Variants in CDH13 observed in about 807,000 individuals in gnomAD.
CDH13 encodes cadherin-13.
CDH13 carries 24 observed loss-of-function variants against 63.8 expected under a neutral mutation model. That is an observed-to-expected ratio of 0.38 (90% CI 0.27 to 0.53). CDH13 has a LOEUF of 0.53. CDH13 is among the 20% of genes least tolerant of loss of function. CDH13 has a pLI of 0.85. For missense variants in CDH13, 1,049 were observed against 903.1 expected, an observed-to-expected ratio of 1.16 and a Z score of -2.07; for synonymous variants, 503 against 355.3, an observed-to-expected ratio of 1.42 and a Z score of -4.67.
chr16:83,424,163 A>G (rs559208122), intron 6 of CDH13, among the ~76,000 whole-genome samples: 1 of 152,006 alleles, frequency 6.6e-6, no homozygotes. Flanking sequence ...TGAAAAGTCT[A>G]GAAGAGGGAA....
intron 6 of CDH13, among the ~76,000 whole-genome samples, chr16:83,381,929 C>G (rs992050272): frequency 6.6e-6 from 1 of 152,156 alleles, no homozygotes; most frequent in African/African-American, 2.4e-5. Context: ...CAGAGCTCTG[C>G]CTGTGCACTC....
At chr16:82,714,337 G>A (rs1353763574) in intron 1 of CDH13, among the ~76,000 whole-genome samples, 2 of 152,130 alleles carry the variant, frequency 1.3e-5, no homozygotes, top group Non-Finnish European at 2.9e-5. Flanking sequence ...ACACTATTTG[G>A]CAACAGGGTC....
At chr16:83,704,309 C>G (rs1293392817) in intron 10 of CDH13, among the ~76,000 whole-genome samples, 1 of 152,136 alleles carries the variant, frequency 6.6e-6, no homozygotes, top group Non-Finnish European at 1.5e-5. Context: ...CAATCTTACC[C>G]TCAAAGATAC....
intron 8 of CDH13, among the ~76,000 whole-genome samples, chr16:83,669,978 A>C (rs562149545): frequency 6.6e-6 from 1 of 152,216 alleles, no homozygotes; most frequent in Non-Finnish European, 1.5e-5. Flanking sequence ...GAAATTCTCT[A>C]TCTATGAGAA....
intron 1 of CDH13, among the ~76,000 whole-genome samples, chr16:82,643,212 A>T (rs1325368475): frequency 6.6e-6 from 1 of 152,234 alleles, no homozygotes; most frequent in Non-Finnish European, 1.5e-5. Flanking sequence ...ATAGTATGTT[A>T]CACATGTCTA....
At chr16:82,842,832 A>T (rs965009919) in intron 1 of CDH13, among the ~76,000 whole-genome samples, 7 of 152,308 alleles carry the variant, frequency 4.6e-5, no homozygotes, top group Non-Finnish European at 7.3e-5. Context: ...GGAGACAGTG[A>T]CAGATCATCA....
intron 3 of CDH13, among the ~76,000 whole-genome samples, chr16:83,122,453 C>T (rs2035624533): frequency 6.6e-6 from 1 of 152,188 alleles, no homozygotes; most frequent in Non-Finnish European, 1.5e-5. Context: ...AGCAAACACC[C>T]TGACAGTGTC....
intron 5 of CDH13, among the ~76,000 whole-genome samples, chr16:83,310,800 G>C (rs1369175661): frequency 1.3e-5 from 2 of 152,316 alleles, no homozygotes; most frequent in East Asian, 3.9e-4. Context: ...CCCTGAAGCT[G>C]AGATTCTTGC....
chr16:83,369,705 A>G (rs886205539), intron 6 of CDH13, among the ~76,000 whole-genome samples: 2 of 152,086 alleles, frequency 1.3e-5, no homozygotes, highest in Non-Finnish European at 2.9e-5. Flanking sequence ...GATTACAGGC[A>G]TGAGCCACCA....
At chr16:83,183,112 C>T (rs1472400249) in intron 4 of CDH13, among the ~76,000 whole-genome samples, 3 of 152,042 alleles carry the variant, frequency 2.0e-5, no homozygotes, top group African/African-American at 7.2e-5. Flanking sequence ...TCTTAAGAGT[C>T]GGAAGAAACA....
chr16:82,977,699 C>T (rs995820258), intron 2 of CDH13, among the ~76,000 whole-genome samples: 1 of 152,136 alleles, frequency 6.6e-6, no homozygotes, highest in Non-Finnish European at 1.5e-5. Context: ...TAAAAATGGA[C>T]TAATACAGCA....
intron 1 of CDH13, chr16:82,826,388 G>T (rs1246013004): frequency 1.3e-5 from 2 of 152,128 alleles, no homozygotes; most frequent in Non-Finnish European, 2.9e-5. Flanking sequence ...TGAAATGGTT[G>T]TGTGTTTTTT....
At chr16:82,823,303 G>T (rs1482377647) in intron 1 of CDH13, 4 of 151,222 alleles carry the variant, frequency 2.6e-5, no homozygotes, top group Non-Finnish European at 5.9e-5. Flanking sequence ...AGGTCTGGAA[G>T]AGGAGGTATG....
chr16:83,687,037 C>G (rs967229891), intron 10 of CDH13, among the ~76,000 whole-genome samples: 2 of 152,058 alleles, frequency 1.3e-5, no homozygotes, highest in Non-Finnish European at 2.9e-5. Context: ...TGGTGAAACC[C>G]CATCTGTACT....
chr16:83,550,586 G>A (rs1471526731), intron 7 of CDH13, among the ~76,000 whole-genome samples: 1 of 152,198 alleles, frequency 6.6e-6, no homozygotes, highest in East Asian at 1.9e-4. Flanking sequence ...GGGGATTCCT[G>A]CTGATGCAGC....
At chr16:83,273,229 G>T (rs940779745) in intron 5 of CDH13, among the ~76,000 whole-genome samples, 1 of 151,804 alleles carries the variant, frequency 6.6e-6, no homozygotes, top group Non-Finnish European at 1.5e-5. Context: ...GGTTTGTTAC[G>T]TGTATAAATT....
At chr16:83,019,649 C>G (rs564041965) in intron 2 of CDH13, among the ~76,000 whole-genome samples, 1 of 151,662 alleles carries the variant, frequency 6.6e-6, no homozygotes, top group Non-Finnish European at 1.5e-5. Context: ...GCACCAGCCA[C>G]CCCACCCAGC....
intron 4 of CDH13, among the ~76,000 whole-genome samples, chr16:83,201,760 A>C (rs1260906887): frequency 6.6e-6 from 1 of 150,786 alleles, no homozygotes; most frequent in Non-Finnish European, 1.5e-5. Context: ...AAAAAAAAAC[A>C]CAAAAAATTA....
intron 6 of CDH13, among the ~76,000 whole-genome samples, chr16:83,387,061 T>C (rs182099370): frequency 6.6e-6 from 1 of 152,280 alleles, no homozygotes; most frequent in African/African-American, 2.4e-5. Flanking sequence ...AATTAAATAC[T>C]TGTGTTCATA....
Sources: gnomAD v4.1 joint callset for allele counts (sites outside exome capture counted in the v4.1 genomes callset) on GRCh38, gnomAD v4.1.1 for gene constraint, MANE v1.5 for transcripts, NCBI Gene and HGNC (gene_info 2026-07-23, HGNC 2026-07-21) for gene names.